Variants in LRP1B observed in about 807,000 individuals in gnomAD.
LRP1B encodes LDL receptor related protein 1B.
In LRP1B, 217 loss-of-function variants were observed where a neutral mutation model predicts 556.6. That is an observed-to-expected ratio of 0.39 (90% confidence interval 0.35 to 0.44). LRP1B has a LOEUF of 0.44. LRP1B is among the 20% of genes least tolerant of loss of function. The pLI is 1.00. For synonymous variants in LRP1B, 2,047 were observed against 1,865.8 expected (o/e 1.10, Z -2.50); for missense variants, 5,053 against 5,620.8 (o/e 0.90, Z 3.23).
chr2:141,790,324 A>AG (rs974872724), intron 2 of LRP1B, among the ~76,000 whole-genome samples: 2 of 133,830 alleles, frequency 1.5e-5, no homozygotes, highest in Non-Finnish European at 3.3e-5. Context: ...TAAGCATTTT[A>AG]GAAAAAAAAA....
chr2:140,633,308 G>C (rs184866237), intron 41 of LRP1B, among the ~76,000 whole-genome samples: 1 of 152,054 alleles, frequency 6.6e-6, no homozygotes, highest in Non-Finnish European at 1.5e-5. Context: ...AAAATATGTG[G>C]GATGCAACAA....
intron 22 of LRP1B, among the ~76,000 whole-genome samples, chr2:140,904,439 T>C (rs1001185147): frequency 8.1e-5 from 2 of 24,602 alleles, no homozygotes; most frequent in Non-Finnish European, 1.5e-4. Flanking sequence ...ATCAGTAAAT[T>C]GAAGCAATAT....
At chr2:140,607,468 C>T (rs1351766778) in intron 41 of LRP1B, among the ~76,000 whole-genome samples, 1 of 151,980 alleles carries the variant, frequency 6.6e-6, no homozygotes, top group Non-Finnish European at 1.5e-5. Flanking sequence ...AAATGTTCAA[C>T]AAATGTTCAT....
chr2:141,329,931 C>T (rs2714182), intron 3 of LRP1B, among the ~76,000 whole-genome samples: 23 of 151,866 alleles, frequency 1.5e-4, no homozygotes, highest in South Asian at 4.1e-4. Context: ...CTACGCTCAA[C>T]GCATTTGATT....
rs1685437125 is a variant in LRP1B at position 140,421,407 on chromosome 2, T to C, written c.10414+21097A>G. 1.3e-5 allele frequency among the ~76,000 whole-genome samples: 2 copies of C among 152,240 alleles called. 1 individual carries two copies. Among genetic ancestry groups the C allele is most frequent in the South Asian group, 4.1e-4 (2 of 4,832 alleles). On this transcript the variant is annotated intron_variant, in intron 66 of 90. Transcript: ENST00000389484. ...TATATAATATTGGCCGGAAGATTTATACTGGTCACTAATGTCCTTTAACAC... is the reference window on the plus strand; with the variant it reads ...TATATAATATTGGCCGGAAGATTTACACTGGTCACTAATGTCCTTTAACAC...
At chr2:141,672,886 C>T (rs1295261080) in intron 2 of LRP1B, among the ~76,000 whole-genome samples, 2 of 152,112 alleles carry the variant, frequency 1.3e-5, no homozygotes, top group Non-Finnish European at 2.9e-5. Flanking sequence ...TGAAGGTTTC[C>T]AGTCTCTGAA....
chr2:142,127,738 C>T (rs141130131), intron 1 of LRP1B, among the ~76,000 whole-genome samples: 60 of 152,056 alleles, frequency 3.9e-4, no homozygotes, highest in African/African-American at 1.4e-3. Flanking sequence ...GTTTTCTATA[C>T]AGATACATTA....
chr2:140,970,255 C>T (rs1422175314), intron 18 of LRP1B, among the ~76,000 whole-genome samples: 2 of 152,270 alleles, frequency 1.3e-5, no homozygotes, highest in Middle Eastern at 3.4e-3. Context: ...CTTCTCTTTT[C>T]ACTTCATTTC....
chr2:140,673,857 A>G (rs953254916), intron 41 of LRP1B, among the ~76,000 whole-genome samples: 1 of 152,010 alleles, frequency 6.6e-6, no homozygotes, highest in Admixed American at 6.6e-5. Flanking sequence ...AGATCCTAAG[A>G]CTGACAGAAC....
intron 7 of LRP1B, among the ~76,000 whole-genome samples, chr2:141,150,866 GGTTTGTGTGTGTGTGTGTGTGT>G (rs1158292595): frequency 1.5e-4 from 7 of 45,816 alleles, no homozygotes; most frequent in East Asian, 4.9e-4. Flanking sequence ...TTGTCATGCT[GGTTTGTGTGTGTGTGTGTGTGT>G]GTGTGTGTGT....
At chr2:141,500,347 T>C (rs1683669253) in intron 2 of LRP1B, among the ~76,000 whole-genome samples, 1 of 152,134 alleles carries the variant, frequency 6.6e-6, no homozygotes, top group African/African-American at 2.4e-5. Flanking sequence ...GACTTTCACT[T>C]CTTTTCTGTG....
At chr2:141,610,173 A>G (rs1688057365) in intron 2 of LRP1B, among the ~76,000 whole-genome samples, 1 of 151,994 alleles carries the variant, frequency 6.6e-6, no homozygotes, top group Admixed American at 6.6e-5. Flanking sequence ...AAGAAACCCT[A>G]TTTCGTGGGG....
At chr2:141,227,037 A>C (rs1683276188) in intron 6 of LRP1B, among the ~76,000 whole-genome samples, 1 of 147,478 alleles carries the variant, frequency 6.8e-6, no homozygotes, top group African/African-American at 2.6e-5. Context: ...GAATTCCCTA[A>C]CAACAACAAC....
Position 141,512,268 on chromosome 2 carries a change from A to C in LRP1B, c.206-31735T>G, listed in dbSNP as rs3856360. On this transcript the variant is annotated intron_variant, in intron 2 of 90. Coordinates refer to ENST00000389484, the MANE Select transcript of LRP1B (RefSeq NM_018557.3). ...CAGTTCGGGGGAGGTGAGTATTGTC[A>C]TACTAATATGGAAGATTGCTGATTG... Among the ~76,000 whole-genome samples, 10 of 152,082 alleles carry C rather than the reference A, an allele frequency of 6.6e-5. 1 individual carries two copies. Among genetic ancestry groups the C allele is most frequent in the African/African-American group, 2.4e-4 (10 of 41,414 alleles).
chr2:141,989,292 C>T (rs554373897), intron 1 of LRP1B, among the ~76,000 whole-genome samples: 2 of 151,836 alleles, frequency 1.3e-5, no homozygotes, highest in African/African-American at 2.4e-5. Flanking sequence ...ATGTTATTCT[C>T]ATTTTAATAA....
chr2:141,872,305 T>C (rs1698615606), intron 1 of LRP1B, among the ~76,000 whole-genome samples: 1 of 151,938 alleles, frequency 6.6e-6, no homozygotes, highest in South Asian at 2.1e-4. Flanking sequence ...AAGGAAATTG[T>C]GATATAAACG....
At chr2:140,545,363 T>C (rs1472447312) in intron 43 of LRP1B, among the ~76,000 whole-genome samples, 1 of 152,030 alleles carries the variant, frequency 6.6e-6, no homozygotes, top group African/African-American at 2.4e-5. Flanking sequence ...CTTTGCCTGT[T>C]CCTATGTCTA....
chr2:141,349,378 G>T (rs556815413), intron 3 of LRP1B, among the ~76,000 whole-genome samples: 4 of 151,994 alleles, frequency 2.6e-5, no homozygotes, highest in Admixed American at 2.6e-4. Flanking sequence ...GAGTGTCTGT[G>T]GTTTTTAAAG....
chr2:142,015,733 T>C lies in LRP1B; in HGVS notation c.82+114915A>G, dbSNP rs186861875. 1.5e-3 allele frequency among the ~76,000 whole-genome samples: 223 copies of C among 151,686 alleles called. 2 individuals are homozygous for C. The highest frequency in any genetic ancestry group is 7.7e-3 in the East Asian group (39 of 5,084). On this transcript the variant is annotated intron_variant, in intron 1 of 90. Coordinates refer to ENST00000389484, the MANE Select transcript of LRP1B (RefSeq NM_018557.3). ...AAGGGGCCAGGCACAGTGGCTCACG[T>C]CTGTAATCCCAGCACTTTGGGAGGC...
Sources: allele counts gnomAD v4.1 joint callset (sites outside exome capture counted in the v4.1 genomes callset), GRCh38; gene constraint gnomAD v4.1.1; transcripts MANE v1.5; gene names NCBI Gene and HGNC (gene_info 2026-07-23, HGNC 2026-07-21).